The following TENM2 variants were observed in gnomAD, a reference collection of about 807,000 sequenced individuals.
TENM2 encodes teneurin transmembrane protein 2.
Under a neutral mutation model 245.2 loss-of-function variants are expected in TENM2, and 52 were observed. The observed-to-expected ratio is 0.21, with a 90% CI of 0.17 to 0.27. TENM2 has a LOEUF of 0.27. TENM2 is among the 10% of genes least tolerant of loss of function. The pLI is 1.00. For missense variants in TENM2, 3,046 were observed against 3,666.8 expected (o/e 0.83, Z 4.37); for synonymous variants, 1,363 against 1,438.9 (o/e 0.95, Z 1.19).
chr5:167,669,729 C>G (rs969940200), intron 2 of TENM2, among the ~76,000 whole-genome samples: 12 of 152,024 alleles, frequency 7.9e-5, no homozygotes, highest in African/African-American at 2.9e-4. Flanking sequence ...GGCAGGGTGG[C>G]AGATGGGGGA....
chr5:168,104,787 C>A (rs932676672), intron 9 of TENM2, among the ~76,000 whole-genome samples: 2 of 152,100 alleles, frequency 1.3e-5, no homozygotes, highest in Non-Finnish European at 2.9e-5. Flanking sequence ...GATCCAATGG[C>A]AAAATGAAAC....
At chr5:168,213,417 G>C (rs941166739) in intron 20 of TENM2, among the ~76,000 whole-genome samples, 4 of 152,040 alleles carry the variant, frequency 2.6e-5, no homozygotes, top group Non-Finnish European at 5.9e-5. Context: ...GTTTTAATTA[G>C]TAATTTACTA....
chr5:167,523,475 C>T (rs567015397), intron 2 of TENM2, among the ~76,000 whole-genome samples: 29 of 152,106 alleles, frequency 1.9e-4, no homozygotes, highest in Admixed American at 4.6e-4. Flanking sequence ...AGTGAGCCAA[C>T]GTCAAATATC....
chr5:167,790,796 C>G (rs1036382187), intron 2 of TENM2, among the ~76,000 whole-genome samples: 34 of 152,150 alleles, frequency 2.2e-4, no homozygotes, highest in African/African-American at 7.2e-4. Context: ...AGACCTTTGC[C>G]CTAAGCCCCC....
the TENM2 span, among the ~76,000 whole-genome samples, chr5:167,226,319 A>G: frequency 1.3e-5 from 2 of 151,852 alleles, no homozygotes; most frequent in African/African-American, 4.8e-5. Flanking sequence ...CTTTTGCCCT[A>G]ACCCACAGAT....
At chr5:167,849,460 T>C (rs1303321441) in intron 2 of TENM2, among the ~76,000 whole-genome samples, 1 of 152,174 alleles carries the variant, frequency 6.6e-6, no homozygotes, top group East Asian at 1.9e-4. Flanking sequence ...GTTACCATCA[T>C]GTTCAAGGGT....
At chr5:167,877,136 C>T (rs1773490229) in intron 3 of TENM2, among the ~76,000 whole-genome samples, 1 of 152,146 alleles carries the variant, frequency 6.6e-6, no homozygotes, top group Non-Finnish European at 1.5e-5. Flanking sequence ...ACTGGTCAGT[C>T]ATGAGGTTAA....
At chr5:168,041,545 A>G (rs1788187991) in intron 5 of TENM2, among the ~76,000 whole-genome samples, 1 of 152,148 alleles carries the variant, frequency 6.6e-6, no homozygotes, top group Non-Finnish European at 1.5e-5. Flanking sequence ...ACCTATCACA[A>G]ATGCCATCCT....
At chr5:167,019,546 C>A in the TENM2 span, among the ~76,000 whole-genome samples, 1 of 152,114 alleles carries the variant, frequency 6.6e-6, no homozygotes, top group Non-Finnish European at 1.5e-5. Flanking sequence ...TCTCTGCTCA[C>A]TGCAACCTCC....
exon 29 of TENM2, chr5:168,262,968 CT>C: frequency 1.5e-6 from 1 of 665,936 alleles, no homozygotes; most frequent in South Asian, 2.1e-5. Context: ...TCAAATGCTA[CT>C]GTCCAAGCGA....
At chr5:167,779,394 A>G (rs1481916495) in intron 2 of TENM2, among the ~76,000 whole-genome samples, 3 of 152,192 alleles carry the variant, frequency 2.0e-5, no homozygotes, top group Non-Finnish European at 4.4e-5. Context: ...TTATTGTCCT[A>G]CCAACCAAGA....
intron 2 of TENM2, among the ~76,000 whole-genome samples, chr5:167,800,368 A>C (rs1765621986): frequency 6.6e-6 from 1 of 152,206 alleles, no homozygotes; most frequent in Admixed American, 6.5e-5. Flanking sequence ...GTCTCTGAGA[A>C]AACGAATGGA....
chr5:167,254,762 T>C, the TENM2 span, among the ~76,000 whole-genome samples: 1 of 152,088 alleles, frequency 6.6e-6, no homozygotes, highest in Admixed American at 6.6e-5. Context: ...AAGGTCTTTT[T>C]GTATAGAGGG....
At chr5:167,369,610 A>C (rs1004028467) in intron 1 of TENM2, among the ~76,000 whole-genome samples, 1 of 152,160 alleles carries the variant, frequency 6.6e-6, no homozygotes, top group Admixed American at 6.5e-5. Context: ...AGATACTAGG[A>C]GAAAGTGGGC....
At chr5:167,552,956 A>C (rs1773053620) in intron 2 of TENM2, among the ~76,000 whole-genome samples, 2 of 152,230 alleles carry the variant, frequency 1.3e-5, no homozygotes, top group Admixed American at 1.3e-4. Context: ...TGAATAAGTG[A>C]GACATAGTTC....
At chr5:167,408,421 T>A (rs1762742209) in intron 2 of TENM2, among the ~76,000 whole-genome samples, 1 of 152,222 alleles carries the variant, frequency 6.6e-6, no homozygotes, top group South Asian at 2.1e-4. Flanking sequence ...CTTGTTGTAT[T>A]GCTCAAAGAA....
At chr5:167,081,766 G>T in the TENM2 span, among the ~76,000 whole-genome samples, 1 of 152,294 alleles carries the variant, frequency 6.6e-6, no homozygotes, top group East Asian at 1.9e-4. Flanking sequence ...CTTCAGAGAT[G>T]ATATTAGACA....
At chr5:167,860,457 G>A (rs1771677385) in intron 2 of TENM2, among the ~76,000 whole-genome samples, 1 of 120,678 alleles carries the variant, frequency 8.3e-6, no homozygotes, top group Non-Finnish European at 1.7e-5. Flanking sequence ...CGCCCCGTCC[G>A]GGAGGTGAGG....
Position 168,261,172 on chromosome 5 carries a change from G to A in TENM2, c.7563+759G>A, listed in dbSNP as rs115204644. On this transcript the variant is annotated intron_variant, in intron 28 of 28. Transcript: ENST00000518659. The stretch of plus-strand genomic sequence containing the variant: ...CATTTCTCTCATTTATCTAAGTGCC[G>A]TTACCTCCCAAACGCAGCCTCTCCC... Among the ~76,000 whole-genome samples the A allele has an allele frequency of 9.3e-3, 1,412 of 152,132 alleles. 24 individuals carry two copies. Among genetic ancestry groups the A allele is most frequent in the African/African-American group, 0.032 (1,348 of 41,488 alleles).
Sources: gnomAD v4.1 joint callset for allele counts (sites outside exome capture counted in the v4.1 genomes callset) on GRCh38, gnomAD v4.1.1 for gene constraint, MANE v1.5 for transcripts, NCBI Gene and HGNC (gene_info 2026-07-23, HGNC 2026-07-21) for gene names.